KLF12: variants seen among roughly 807,000 people sequenced by gnomAD.
KLF12 encodes the protein KLF transcription factor 12, also known as Krueppel-like factor 12.
A neutral mutation model predicts 37.8 loss-of-function variants in KLF12; 9 were observed. The observed-to-expected ratio is 0.24, with a 90% CI of 0.14 to 0.42. KLF12 has a LOEUF of 0.42. KLF12 is among the 10% of genes least tolerant of loss of function. KLF12 has a pLI of 1.00. For synonymous variants in KLF12, 208 were observed against 202.1 expected (o/e 1.03, Z -0.25); for missense variants, 411 against 516.0 (o/e 0.80, Z 1.97).
chr13:73,940,240 A>G (rs1337322670), intron 3 of KLF12, among the ~76,000 whole-genome samples: 1 of 152,214 alleles, frequency 6.6e-6, no homozygotes, highest in Non-Finnish European at 1.5e-5. Context: ...CCAAAGTCAC[A>G]GACAAAGTCA....
intron 1 of KLF12, among the ~76,000 whole-genome samples, chr13:74,067,473 A>C (rs1481070618): frequency 1.3e-5 from 2 of 152,246 alleles, no homozygotes; most frequent in Non-Finnish European, 2.9e-5. Context: ...GAAATGTGTA[A>C]ATTGTTGGCA....
At chr13:74,048,382 T>C (rs1356118591) in intron 1 of KLF12, among the ~76,000 whole-genome samples, 1 of 151,940 alleles carries the variant, frequency 6.6e-6, no homozygotes, top group Non-Finnish European at 1.5e-5. Context: ...AAGACAACTA[T>C]CACAAATCAT....
chr13:74,164,401 G>A, the KLF12 span, among the ~76,000 whole-genome samples: 3 of 151,696 alleles, frequency 2.0e-5, no homozygotes, highest in African/African-American at 7.3e-5. Flanking sequence ...TAATTTTCTT[G>A]TTTATTCTTT....
the KLF12 span, among the ~76,000 whole-genome samples, chr13:74,224,552 T>C: frequency 6.6e-6 from 1 of 152,194 alleles, no homozygotes; most frequent in Non-Finnish European, 1.5e-5. Context: ...TTCCCTAGCA[T>C]TTGAGCTCTT....
intron 1 of KLF12, among the ~76,000 whole-genome samples, chr13:74,113,110 A>ACC (rs147591131): frequency 1.1e-4 from 16 of 152,296 alleles, no homozygotes; most frequent in African/African-American, 3.8e-4. Context: ...GGGAGGTGAG[A>ACC]AAGTTGCGTT....
chr13:74,187,232 G>C, the KLF12 span, among the ~76,000 whole-genome samples: 2 of 152,166 alleles, frequency 1.3e-5, no homozygotes, highest in East Asian at 3.9e-4. Flanking sequence ...GCAGAGGTGA[G>C]ACGATCACTC....
intron 5 of KLF12, among the ~76,000 whole-genome samples, chr13:73,774,869 A>G (rs997832297): frequency 3.3e-5 from 5 of 150,150 alleles, no homozygotes; most frequent in African/African-American, 7.3e-5. Context: ...TATAAAGTAT[A>G]TGTGTGTGTG....
the KLF12 span, among the ~76,000 whole-genome samples, chr13:74,165,940 A>G: frequency 6.6e-6 from 1 of 152,224 alleles, no homozygotes; most frequent in Non-Finnish European, 1.5e-5. Context: ...GAGGAAAGAT[A>G]TAATGACTAC....
At chr13:73,852,591 A>G (rs946273654) in intron 3 of KLF12, among the ~76,000 whole-genome samples, 2 of 152,022 alleles carry the variant, frequency 1.3e-5, no homozygotes. Context: ...GACCAGCCCA[A>G]CATAGTGAAA....
intron 1 of KLF12, among the ~76,000 whole-genome samples, chr13:74,050,598 T>C (rs1418710664): frequency 2.0e-5 from 3 of 152,134 alleles, no homozygotes; most frequent in African/African-American, 7.2e-5. Flanking sequence ...AATTCTGGGT[T>C]TGAAGCAGGG....
At chr13:73,772,013 C>T (rs373744944) in intron 5 of KLF12, among the ~76,000 whole-genome samples, 5 of 152,178 alleles carry the variant, frequency 3.3e-5, no homozygotes, top group South Asian at 4.2e-4. Context: ...CAAGTATTTG[C>T]GGGAGACAAG....
rs138433678 is a variant in KLF12, at chr13:73,724,162, C to T, written c.870-8637G>A. ...AACCCAAATGCCCACCAATGATAGA[C>T]TGGAAAAAGAAAATGTGGCACATAT... On this transcript the variant is annotated intron_variant, in intron 6 of 7. Coordinates refer to ENST00000377669, the MANE Select transcript of KLF12 (RefSeq NM_007249.5). Among the ~76,000 whole-genome samples, 754 of 152,204 alleles carry T rather than the reference C, an allele frequency of 5.0e-3. 8 individuals are homozygous for T. The highest frequency in any genetic ancestry group is 0.017 in the African/African-American group (720 of 41,516).
At chr13:73,818,417 T>C (rs141685316) in intron 4 of KLF12, among the ~76,000 whole-genome samples, 138 of 152,360 alleles carry the variant, frequency 9.1e-4, no homozygotes, top group African/African-American at 3.2e-3. Context: ...GTTTTTTCTC[T>C]TCAGCTCACA....
intron 2 of KLF12, among the ~76,000 whole-genome samples, chr13:73,977,042 G>C: frequency 6.7e-6 from 1 of 150,144 alleles, no homozygotes; most frequent in Middle Eastern, 3.5e-3. Flanking sequence ...ACAATAAGAA[G>C]ACAACATACT....
intron 2 of KLF12, among the ~76,000 whole-genome samples, chr13:73,989,192 C>A (rs1184106521): frequency 1.3e-5 from 2 of 152,168 alleles, no homozygotes; most frequent in Admixed American, 6.5e-5. Context: ...AAAAAATAAA[C>A]CCTCCACCTT....
chr13:74,094,940 C>T (rs1875893833), intron 1 of KLF12, among the ~76,000 whole-genome samples: 1 of 152,182 alleles, frequency 6.6e-6, no homozygotes, highest in Admixed American at 6.5e-5. Context: ...ATTTTTGAAA[C>T]TACATATTTC....
the KLF12 span, among the ~76,000 whole-genome samples, chr13:74,170,154 T>C: frequency 6.6e-6 from 1 of 152,182 alleles, no homozygotes; most frequent in East Asian, 1.9e-4. Flanking sequence ...AAAGCGTAAT[T>C]ACGCCCTATA....
At chr13:73,766,438 C>G (rs1879918126) in intron 5 of KLF12, among the ~76,000 whole-genome samples, 1 of 152,168 alleles carries the variant, frequency 6.6e-6, no homozygotes, top group African/African-American at 2.4e-5. Context: ...CGAAAGGCAG[C>G]AAGCGTAATT....
At chr13:74,166,886 G>A in the KLF12 span, among the ~76,000 whole-genome samples, 1 of 152,094 alleles carries the variant, frequency 6.6e-6, no homozygotes. Context: ...ATATCACCCA[G>A]GCTTCTATCA....
Sources: allele counts gnomAD v4.1 joint callset (sites outside exome capture counted in the v4.1 genomes callset), GRCh38; gene constraint gnomAD v4.1.1; transcripts MANE v1.5; gene names NCBI Gene and HGNC (gene_info 2026-07-23, HGNC 2026-07-21).